The following CCDC192 variants were observed in gnomAD, a reference collection of about 807,000 sequenced individuals.
CCDC192 encodes coiled-coil domain containing 192, also known as coiled-coil domain-containing protein 192.
chr5:127,794,062 C>T (rs898546549), intron 3 of CCDC192, among the ~76,000 whole-genome samples: 1 of 152,134 alleles, frequency 6.6e-6, no homozygotes, highest in South Asian at 2.1e-4. Context: ...TAGTAGCATT[C>T]GCGTCTGGTC....
chr5:127,785,933 G>A, intron 3 of CCDC192: 1 of 461,570 alleles, frequency 2.2e-6, no homozygotes, highest in Non-Finnish European at 4.1e-6. Context: ...TTTTTATGAA[G>A]GTCAAGCACC....
chr5:127,826,141 A>G (rs1749519655), intron 5 of CCDC192, among the ~76,000 whole-genome samples: 1 of 152,150 alleles, frequency 6.6e-6, no homozygotes, highest in Non-Finnish European at 1.5e-5. Context: ...TTCAATTGGA[A>G]AGGTGGAATG....
chr5:127,851,887 T>C (rs1023449086), intron 5 of CCDC192, among the ~76,000 whole-genome samples: 3 of 152,256 alleles, frequency 2.0e-5, no homozygotes, highest in Non-Finnish European at 4.4e-5. Context: ...TTGCTCTGTC[T>C]CAGAGTTTAC....
At chr5:127,902,660 G>A (rs1753072041) in intron 6 of CCDC192, among the ~76,000 whole-genome samples, 1 of 152,200 alleles carries the variant, frequency 6.6e-6, no homozygotes, top group East Asian at 1.9e-4. Context: ...TATAAAGTGT[G>A]AAGTAAATGC....
intron 6 of CCDC192, among the ~76,000 whole-genome samples, chr5:127,934,767 T>C (rs953826686): frequency 4.6e-5 from 7 of 152,138 alleles, no homozygotes; most frequent in African/African-American, 1.4e-4. Flanking sequence ...TCAATTTAAG[T>C]GGGAGGGATA....
chr5:127,792,306 A>G (rs1410651234), intron 3 of CCDC192, among the ~76,000 whole-genome samples: 1 of 152,146 alleles, frequency 6.6e-6, no homozygotes, highest in Non-Finnish European at 1.5e-5. Context: ...TTCATATGGC[A>G]GCAGCAAAGA....
At chr5:127,933,516 G>A (rs1056560602) in intron 6 of CCDC192, among the ~76,000 whole-genome samples, 1 of 152,178 alleles carries the variant, frequency 6.6e-6, no homozygotes, top group East Asian at 1.9e-4. Flanking sequence ...ACCTCTCACC[G>A]TGAGAGCATC....
chr5:127,748,579 T>A (rs1580586457), intron 2 of CCDC192, among the ~76,000 whole-genome samples: 2 of 146,848 alleles, frequency 1.4e-5, no homozygotes, highest in Admixed American at 7.0e-5. Context: ...TAGGATTGAC[T>A]TGGCGATTTG....
rs868525283 is a variant in CCDC192, at chr5:127,750,424, T to C, written c.115-3844T>C. ...TCAGTTTCCATGTAGTTGAGGGGTT[T>C]TGAGTGAGATTCTTAATCCTGAGTT... On this transcript the variant is annotated intron_variant, in intron 2 of 6. Transcript: ENST00000514853. 3.8e-3 allele frequency among the ~76,000 whole-genome samples: 574 copies of C among 152,264 alleles called. 3 individuals carry two copies. The highest frequency in any genetic ancestry group is 0.013 in the African/African-American group (542 of 41,550).
chr5:127,866,767 G>A (rs766540989), intron 5 of CCDC192, among the ~76,000 whole-genome samples: 1 of 152,034 alleles, frequency 6.6e-6, no homozygotes, highest in East Asian at 1.9e-4. Flanking sequence ...CACATTAAAC[G>A]TAGACATTTC....
chr5:127,875,500 C>G (rs989865879), intron 5 of CCDC192, 38 bp from the exon 6 acceptor site: 4 of 388,318 alleles, frequency 1.0e-5, no homozygotes, highest in Non-Finnish European at 1.8e-5. Context: ...ATGCGTCTGT[C>G]CCTAGTGATG....
At chr5:127,724,447 G>A (rs1752194868) in intron 2 of CCDC192, among the ~76,000 whole-genome samples, 1 of 152,078 alleles carries the variant, frequency 6.6e-6, no homozygotes, top group Non-Finnish European at 1.5e-5. Flanking sequence ...TGATAATTAT[G>A]TTATTGAAAA....
chr5:127,776,392 C>T (rs1378932772), intron 3 of CCDC192, among the ~76,000 whole-genome samples: 10 of 152,180 alleles, frequency 6.6e-5, no homozygotes, highest in Admixed American at 3.3e-4. Flanking sequence ...AATTTCTAAG[C>T]GGCAAAGTGT....
rs78895822 is a variant in CCDC192 at position 127,875,095 on chromosome 5, T to C, written c.412-443T>C. Among the ~76,000 whole-genome samples, 433 of 152,318 alleles carry C rather than the reference T, an allele frequency of 2.8e-3. 2 individuals carry two copies. The highest frequency in any genetic ancestry group is 6.8e-3 in the Middle Eastern group (2 of 294). On this transcript the variant is annotated intron_variant, in intron 5 of 6. Coordinates refer to ENST00000514853, the MANE Select transcript of CCDC192 (RefSeq NM_001317938.2). ...GGTCGTATCACACTTTAGAGTGTAT[T>C]TGAAAGCAAACCATTATGGTGTTGA...
chr5:127,822,021 C>T (rs1749315835), intron 5 of CCDC192, among the ~76,000 whole-genome samples: 1 of 152,204 alleles, frequency 6.6e-6, no homozygotes, highest in African/African-American at 2.4e-5. Context: ...TGAACTCTGG[C>T]ATTTTCCTCC....
chr5:127,827,310 A>G lies in CCDC192; in HGVS notation c.411+29148A>G, dbSNP rs145182110. On this transcript the variant is annotated intron_variant, in intron 5 of 6. Transcript: ENST00000514853. ...CCAAGTACCCATTTGGTCTGTCAAGATATTAGATCTTGGTAGCAAACTTCA... is the reference window on the plus strand; with the variant it reads ...CCAAGTACCCATTTGGTCTGTCAAGGTATTAGATCTTGGTAGCAAACTTCA... Among the ~76,000 whole-genome samples, 361 of 152,328 alleles carry G rather than the reference A, an allele frequency of 2.4e-3. 4 individuals are homozygous for G. The highest frequency in any genetic ancestry group is 7.7e-3 in the African/African-American group (320 of 41,572).
At chr5:127,775,786 G>A (rs1161118780) in intron 3 of CCDC192, among the ~76,000 whole-genome samples, 3 of 152,156 alleles carry the variant, frequency 2.0e-5, no homozygotes, top group African/African-American at 7.2e-5. Context: ...CCCCCATACT[G>A]TCCTTATGGC....
At chr5:127,827,592 T>C (rs1373269398) in intron 5 of CCDC192, among the ~76,000 whole-genome samples, 1 of 152,204 alleles carries the variant, frequency 6.6e-6, no homozygotes. Context: ...ATTTAATTAG[T>C]GTAAAAGAAT....
At chr5:127,822,941 C>T (rs1749362071) in intron 5 of CCDC192, among the ~76,000 whole-genome samples, 1 of 152,144 alleles carries the variant, frequency 6.6e-6, no homozygotes, top group Non-Finnish European at 1.5e-5. Flanking sequence ...CTTGTGGTTC[C>T]AGGTCTTAAG....
Sources: allele counts gnomAD v4.1 joint callset (sites outside exome capture counted in the v4.1 genomes callset), GRCh38; gene constraint gnomAD v4.1.1; transcripts MANE v1.5; gene names NCBI Gene and HGNC (gene_info 2026-07-23, HGNC 2026-07-21).